MELK: variants seen among roughly 807,000 people sequenced by gnomAD.
MELK encodes pEg3 kinase.
A neutral mutation model predicts 85.0 loss-of-function variants in MELK; 81 were observed. That is an observed-to-expected ratio of 0.95 (90% CI 0.80 to 1.15). The LOEUF (loss-of-function observed/expected upper bound fraction) is 1.15. Ranked by LOEUF, MELK falls within the 50% of genes most tolerant of loss-of-function variation. The probability of loss-of-function intolerance (pLI) is 0.00; values close to 1 mark genes in which losing one functional copy is unlikely to be tolerated. For missense variants in MELK, 754 were observed against 777.5 expected, an observed-to-expected ratio of 0.97 and a Z score of 0.36; for synonymous variants, 252 against 265.0, an observed-to-expected ratio of 0.95 and a Z score of 0.48.
intron 1 of MELK, 159 bp downstream of exon 1, chr9:36,573,166 A>T (rs1821263400): frequency 6.6e-6 from 1 of 152,252 alleles, no homozygotes. Context: ...TGGATAAGAT[A>T]TTTGACCTTT....
chr9:36,640,268 C>G (rs1000848974), intron 10 of MELK, among the ~76,000 whole-genome samples: 1 of 151,970 alleles, frequency 6.6e-6, no homozygotes, highest in African/African-American at 2.4e-5. Context: ...CATCATAGAG[C>G]TAGAGTTCTG....
intron 17 of MELK, among the ~76,000 whole-genome samples, chr9:36,675,180 GGGA>G (rs1833242246): frequency 6.6e-6 from 1 of 152,158 alleles, no homozygotes; most frequent in Admixed American, 6.6e-5. Flanking sequence ...CCAGCTACGT[GGGA>G]GGCTGAGGCA....
intron 16 of MELK, 56 bp downstream of exon 16, chr9:36,671,222 CTT>C: frequency 1.0e-5 from 12 of 1,173,520 alleles, no homozygotes; most frequent in South Asian, 4.1e-5. Context: ...AATGGACTGC[CTT>C]TTTTTTTTAA....
At chr9:36,619,513 T>C (rs567594025) in intron 8 of MELK, among the ~76,000 whole-genome samples, 1 of 152,112 alleles carries the variant, frequency 6.6e-6, no homozygotes, top group Non-Finnish European at 1.5e-5. Context: ...ATAACTAGAG[T>C]CATTTTATCC....
intron 1 of MELK, among the ~76,000 whole-genome samples, chr9:36,575,585 A>G (rs1408573732): frequency 6.6e-6 from 1 of 152,168 alleles, no homozygotes; most frequent in Non-Finnish European, 1.5e-5. Flanking sequence ...AAGCGGGTAG[A>G]TAGAGAAAAT....
chr9:36,593,758 C>T (rs1234239549), intron 4 of MELK, among the ~76,000 whole-genome samples: 1 of 152,176 alleles, frequency 6.6e-6, no homozygotes, highest in African/African-American at 2.4e-5. Context: ...GTGGTGCAAT[C>T]TTGGCTCACT....
intron 13 of MELK, among the ~76,000 whole-genome samples, chr9:36,658,938 G>C (rs1286973145): frequency 7.0e-6 from 1 of 143,098 alleles, no homozygotes; most frequent in African/African-American, 2.7e-5. Flanking sequence ...CTGGACTGCA[G>C]TGGCGCTATC....
intron 5 of MELK, among the ~76,000 whole-genome samples, chr9:36,596,576 TTTTTGTTTTTTTTG>T (rs1362580775): frequency 0.011 from 1,223 of 109,434 alleles, 85 homozygotes; most frequent in African/African-American, 0.024. Context: ...TTTTTTGTTT[TTTTTGTTTTTTTTG>T]TTTTTTTTTT....
chr9:36,598,485 GC>G (rs1420737915), intron 6 of MELK, among the ~76,000 whole-genome samples: 1 of 152,170 alleles, frequency 6.6e-6, no homozygotes, highest in Non-Finnish European at 1.5e-5. Context: ...ACTCTATACA[GC>G]TGTTGGACTG....
intron 8 of MELK, among the ~76,000 whole-genome samples, chr9:36,608,674 C>T (rs1825800315): frequency 6.6e-6 from 1 of 152,026 alleles, no homozygotes; most frequent in South Asian, 2.1e-4. Context: ...CTCTGCTTCC[C>T]AGGTTCAAGC....
intron 10 of MELK, among the ~76,000 whole-genome samples, chr9:36,639,894 C>A (rs1001343373): frequency 2.6e-5 from 4 of 152,028 alleles, no homozygotes; most frequent in African/African-American, 7.3e-5. Flanking sequence ...TGGAGGGAAC[C>A]TCAAAAATTT....
At chr9:36,578,596 A>G (rs1427343434) in intron 1 of MELK, among the ~76,000 whole-genome samples, 6 of 152,202 alleles carry the variant, frequency 3.9e-5, no homozygotes, top group Non-Finnish European at 5.9e-5. Context: ...GTCATTGAAG[A>G]CAATGAAGTC....
chr9:36,634,313 A>G (rs1828909046), intron 10 of MELK, among the ~76,000 whole-genome samples: 1 of 152,234 alleles, frequency 6.6e-6, no homozygotes, highest in African/African-American at 2.4e-5. Context: ...TGAACTGACA[A>G]ATTCCCTTGG....
intron 2 of MELK, 152 bp downstream of exon 2, chr9:36,581,891 G>T (rs1343289202): frequency 1.8e-6 from 1 of 544,406 alleles, no homozygotes. Flanking sequence ...GCAGAGAGGA[G>T]AATAGTAGGA....
intron 16 of MELK, among the ~76,000 whole-genome samples, chr9:36,673,338 G>A (rs1341251408): frequency 1.3e-5 from 2 of 152,104 alleles, no homozygotes; most frequent in East Asian, 3.8e-4. Context: ...TATTTATCTG[G>A]TATTTTCATT....
At chr9:36,609,263 G>T (rs1259500481) in intron 8 of MELK, among the ~76,000 whole-genome samples, 3 of 152,080 alleles carry the variant, frequency 2.0e-5, no homozygotes. Context: ...AAATATTATG[G>T]TATGTGAATT....
chr9:36,619,934 C>T (rs566456645), intron 8 of MELK, among the ~76,000 whole-genome samples: 8 of 152,128 alleles, frequency 5.3e-5, no homozygotes, highest in Admixed American at 1.3e-4. Flanking sequence ...TGTTTGCTGG[C>T]GTGCATATTC....
At chr9:36,621,307 A>AAAAAAAAAAAAAAAAAAAAAAAAAG in intron 8 of MELK, among the ~76,000 whole-genome samples, 1 of 139,752 alleles carries the variant, frequency 7.2e-6, no homozygotes. Flanking sequence ...AAAAAAAAAA[A>AAAAAAAAAAAAAAAAAAAAAAAAAG]AAAAAAAAAA....
At chr9:36,619,628 G>A (rs1026342558) in intron 8 of MELK, among the ~76,000 whole-genome samples, 1 of 152,192 alleles carries the variant, frequency 6.6e-6, no homozygotes, top group Non-Finnish European at 1.5e-5. Flanking sequence ...AAAATGGAAT[G>A]ATAAAGTTTT....
Sources: allele counts gnomAD v4.1 joint callset (sites outside exome capture counted in the v4.1 genomes callset), GRCh38; gene constraint gnomAD v4.1.1; transcripts MANE v1.5; gene names NCBI Gene and HGNC (gene_info 2026-07-23, HGNC 2026-07-21).